LINGO2: variants seen among roughly 807,000 people sequenced by gnomAD.
LINGO2 encodes the protein leucine rich repeat and Ig domain containing 2, also known as leucine-rich repeat and immunoglobulin-like domain-containing nogo receptor-interacting protein 2.
In LINGO2, 14 loss-of-function variants were observed where a neutral mutation model predicts 30.6. The ratio of observed to expected loss-of-function variants is 0.46; its 90% CI spans 0.30 to 0.72. LINGO2 has a LOEUF of 0.72. Among genes scored for constraint, LINGO2 ranks in the 30% least tolerant of loss-of-function variants. The pLI, the probability that LINGO2 is intolerant of heterozygous loss-of-function variation, is 0.07. For synonymous variants in LINGO2, 317 were observed against 288.5 expected, an observed-to-expected ratio of 1.10 and a Z score of -1.00; for missense variants, 729 against 751.7, an observed-to-expected ratio of 0.97 and a Z score of 0.35.
At chr9:28,056,202 T>C (rs1440931816) in intron 4 of LINGO2, among the ~76,000 whole-genome samples, 1 of 152,118 alleles carries the variant, frequency 6.6e-6, no homozygotes, top group African/African-American at 2.4e-5. Flanking sequence ...AACAGGTTTA[T>C]ATTATTACTA....
chr9:28,288,054 G>A (rs536159616), intron 4 of LINGO2, among the ~76,000 whole-genome samples: 5 of 152,180 alleles, frequency 3.3e-5, no homozygotes, highest in South Asian at 2.1e-4. Context: ...GGACCTGAAC[G>A]CTCTTAGTTT....
the LINGO2 span, among the ~76,000 whole-genome samples, chr9:28,843,474 G>C: frequency 6.6e-6 from 1 of 151,640 alleles, no homozygotes; most frequent in African/African-American, 2.4e-5. Context: ...TTAAGATAAT[G>C]GCAAAGAGAA....
chr9:29,173,040 TG>T, the LINGO2 span, among the ~76,000 whole-genome samples: 3 of 152,196 alleles, frequency 2.0e-5, no homozygotes, highest in South Asian at 6.2e-4. Flanking sequence ...AATCACAATT[TG>T]GGGTCTGAAG....
At chr9:28,396,294 A>G (rs1214857327) in intron 2 of LINGO2, among the ~76,000 whole-genome samples, 1 of 152,194 alleles carries the variant, frequency 6.6e-6, no homozygotes, top group Non-Finnish European at 1.5e-5. Context: ...CCAAGTAAGG[A>G]AACAGAGATA....
intron 1 of LINGO2, among the ~76,000 whole-genome samples, chr9:28,657,290 G>T (rs1158756496): frequency 6.6e-6 from 1 of 151,810 alleles, no homozygotes. Flanking sequence ...CCCATCAAAA[G>T]AACTCTTTTC....
intron 1 of LINGO2, among the ~76,000 whole-genome samples, chr9:28,627,515 A>T (rs1826736378): frequency 6.6e-6 from 1 of 152,046 alleles, no homozygotes; most frequent in Non-Finnish European, 1.5e-5. Context: ...GCACTAAAAT[A>T]TGGAAAATGC....
the LINGO2 span, among the ~76,000 whole-genome samples, chr9:28,909,296 C>G: frequency 6.6e-6 from 1 of 151,838 alleles, no homozygotes; most frequent in Non-Finnish European, 1.5e-5. Context: ...AGTATTTATA[C>G]AGTAATGCTT....
chr9:28,676,873 A>G, the LINGO2 span, among the ~76,000 whole-genome samples: 2 of 152,156 alleles, frequency 1.3e-5, no homozygotes, highest in East Asian at 1.9e-4. Context: ...AAATTCTCCT[A>G]TGGCTACACA....
the LINGO2 span, among the ~76,000 whole-genome samples, chr9:29,014,014 C>CT: frequency 2.0e-5 from 3 of 152,156 alleles, no homozygotes; most frequent in African/African-American, 7.2e-5. Flanking sequence ...TTTTCCCTCT[C>CT]TGCCTCTCAC....
chr9:28,603,151 A>C (rs1825559522), intron 1 of LINGO2, among the ~76,000 whole-genome samples: 1 of 152,120 alleles, frequency 6.6e-6, no homozygotes, highest in Non-Finnish European at 1.5e-5. Context: ...ATGTGTTTTG[A>C]TAATCTGTAG....
chr9:28,445,523 T>C (rs1450624313), intron 2 of LINGO2, among the ~76,000 whole-genome samples: 1 of 152,206 alleles, frequency 6.6e-6, no homozygotes, highest in Non-Finnish European at 1.5e-5. Context: ...GGAGACAAAA[T>C]AGTGTCACCA....
At chr9:28,753,488 G>C in the LINGO2 span, among the ~76,000 whole-genome samples, 10 of 151,984 alleles carry the variant, frequency 6.6e-5, no homozygotes, top group Non-Finnish European at 1.0e-4. Context: ...TCCTAAATCA[G>C]AGCAGTTAAT....
intron 1 of LINGO2, among the ~76,000 whole-genome samples, chr9:28,583,302 A>G (rs1824355645): frequency 6.6e-6 from 1 of 152,004 alleles, no homozygotes; most frequent in African/African-American, 2.4e-5. Flanking sequence ...CTGATTCCAA[A>G]ATTGCAAATT....
intron 4 of LINGO2, among the ~76,000 whole-genome samples, chr9:28,074,882 T>C (rs548312869): frequency 6.4e-4 from 97 of 151,938 alleles, no homozygotes; most frequent in African/African-American, 2.2e-3. Context: ...GAATAAAGCA[T>C]TGTATCTTTT....
At chr9:28,973,826 C>T in the LINGO2 span, among the ~76,000 whole-genome samples, 7,358 of 152,138 alleles carry the variant, frequency 0.048, 229 homozygotes, top group East Asian at 0.11. Context: ...GTTAAACAAA[C>T]GCTTTTCCAG....
the LINGO2 span, among the ~76,000 whole-genome samples, chr9:28,955,121 G>A: frequency 6.6e-6 from 1 of 152,016 alleles, no homozygotes; most frequent in East Asian, 1.9e-4. Context: ...GGGAGAGAAG[G>A]AGGAAAGTGT....
At chr9:28,835,213 G>T in the LINGO2 span, among the ~76,000 whole-genome samples, 2 of 152,116 alleles carry the variant, frequency 1.3e-5, no homozygotes, top group Non-Finnish European at 2.9e-5. Flanking sequence ...GGAAACAAAA[G>T]ATTCTTGATA....
the LINGO2 span, among the ~76,000 whole-genome samples, chr9:28,990,428 GCA>G: frequency 2.4e-4 from 36 of 152,200 alleles, no homozygotes; most frequent in Non-Finnish European, 1.3e-4. Context: ...TGGGGGCAGG[GCA>G]CAGACAAACA....
At chr9:28,586,397 A>G (rs991227137) in intron 1 of LINGO2, among the ~76,000 whole-genome samples, 1 of 151,978 alleles carries the variant, frequency 6.6e-6, no homozygotes, top group Non-Finnish European at 1.5e-5. Context: ...AATTTTAGGC[A>G]TTGAATTTGA....
Sources: allele counts gnomAD v4.1 joint callset (sites outside exome capture counted in the v4.1 genomes callset), GRCh38; gene constraint gnomAD v4.1.1; transcripts MANE v1.5; gene names NCBI Gene and HGNC (gene_info 2026-07-23, HGNC 2026-07-21).